The following MEIS2 variants were observed in gnomAD, a reference collection of about 807,000 sequenced individuals.
MEIS2 encodes Meis homeobox 2, also known as homeobox protein Meis2.
In MEIS2, 9 loss-of-function variants were observed where a neutral mutation model predicts 58.6. The ratio of observed to expected loss-of-function variants is 0.15; its 90% CI spans 0.09 to 0.27. The LOEUF (loss-of-function observed/expected upper bound fraction) is 0.27. Ranked by LOEUF, MEIS2 falls within the 10% of genes least tolerant of loss-of-function variation. The probability of loss-of-function intolerance (pLI) is 1.00; values close to 1 mark genes in which losing one functional copy is unlikely to be tolerated. For missense variants in MEIS2, 427 were observed against 635.0 expected (o/e 0.67, Z 3.52); for synonymous variants, 221 against 228.4 (o/e 0.97, Z 0.29).
At chr15:36,943,869 C>T (rs1170623807) in intron 9 of MEIS2, among the ~76,000 whole-genome samples, 1 of 152,044 alleles carries the variant, frequency 6.6e-6, no homozygotes, top group African/African-American at 2.4e-5. Context: ...TTTATTTCCC[C>T]CTCTACTCCT....
Position 36,889,943 on chromosome 15 carries a change from C to A in MEIS2, c.*2230G>T, listed in dbSNP as rs996883212. 1 of 152,134 alleles carries A rather than the reference C, an allele frequency of 6.6e-6. No individual in the cohort carries two copies. The highest frequency in any genetic ancestry group is 2.1e-4 in the South Asian group (1 of 4,834). The allele number at this position is 152,134 out of a possible 1,614,324, so 9.4% of individuals were successfully genotyped here. On this transcript the variant is annotated 3_prime_UTR_variant, in exon 12 of 12. Coordinates refer to ENST00000561208, the MANE Select transcript of MEIS2 (RefSeq NM_170675.5). ...CATTATTTCTATGTTTAAACAGCAACACAACACTTAAACTGAAATGTATTT... is the reference window on the plus strand; with the variant it reads ...CATTATTTCTATGTTTAAACAGCAAAACAACACTTAAACTGAAATGTATTT...
intron 6 of MEIS2, among the ~76,000 whole-genome samples, chr15:37,084,767 C>T (rs770645478): frequency 2.6e-5 from 4 of 152,122 alleles, no homozygotes; most frequent in Non-Finnish European, 5.9e-5. Context: ...CCTGCTGTTG[C>T]TTAAAGGAAA....
rs2062223357 is a variant in MEIS2 at position 37,037,731 on chromosome 15, T to A, written c.755-772A>T. Among the ~76,000 whole-genome samples the A allele has an allele frequency of 2.6e-5, 4 of 152,360 alleles. No homozygotes were observed. In the South Asian group the frequency reaches 8.3e-4, roughly 32 times the overall value. On this transcript the variant is annotated intron_variant, in intron 7 of 11. Transcript: ENST00000561208. Reference sequence around the variant, plus strand: ...AAAGCCTGCCTGGAGGGCATCTAAATTATGTATCTGAAAAACTCTTCTGGC... The same window carrying A: ...AAAGCCTGCCTGGAGGGCATCTAAAATATGTATCTGAAAAACTCTTCTGGC...
At chr15:36,987,404 T>C (rs1443890938) in intron 8 of MEIS2, among the ~76,000 whole-genome samples, 1 of 47,130 alleles carries the variant, frequency 2.1e-5, no homozygotes, top group African/African-American at 5.6e-5. Context: ...CAAGACCCTG[T>C]CTCAAAAAAA....
intron 8 of MEIS2, among the ~76,000 whole-genome samples, chr15:36,957,913 G>A (rs2059043148): frequency 6.6e-6 from 1 of 152,140 alleles, no homozygotes; most frequent in African/African-American, 2.4e-5. Context: ...ACAATATTCG[G>A]ATATTTGAAA....
At chr15:36,997,394 A>C (rs1882116473) in intron 8 of MEIS2, among the ~76,000 whole-genome samples, 1 of 152,162 alleles carries the variant, frequency 6.6e-6, no homozygotes, top group African/African-American at 2.4e-5. Context: ...TGAGTTAGGA[A>C]AGGGAAAGGA....
chr15:37,021,896 C>T (rs995569751), intron 8 of MEIS2, among the ~76,000 whole-genome samples: 7 of 152,038 alleles, frequency 4.6e-5, no homozygotes, highest in Admixed American at 1.3e-4. Flanking sequence ...CTGCCTTACC[C>T]GGTTTACTTT....
chr15:36,990,041 T>C (rs933267503), intron 8 of MEIS2, among the ~76,000 whole-genome samples: 14 of 152,022 alleles, frequency 9.2e-5, no homozygotes, highest in African/African-American at 3.4e-4. Flanking sequence ...GCCTCCCGGG[T>C]TCATGCCATT....
At chr15:37,093,396 G>A (rs1386393138) in intron 6 of MEIS2, among the ~76,000 whole-genome samples, 185 bp downstream of exon 6, 1 of 152,132 alleles carries the variant, frequency 6.6e-6, no homozygotes, top group Non-Finnish European at 1.5e-5. Context: ...ATAGGAGGGG[G>A]TCCAAGAAAG....
chr15:36,912,843 A>G (rs1209582408), intron 9 of MEIS2, among the ~76,000 whole-genome samples: 2 of 151,686 alleles, frequency 1.3e-5, no homozygotes, highest in African/African-American at 2.4e-5. Flanking sequence ...AAAAAAAAAA[A>G]AAAAGAAAAA....
intron 9 of MEIS2, among the ~76,000 whole-genome samples, chr15:36,922,095 T>A (rs983552310): frequency 6.6e-6 from 1 of 152,184 alleles, no homozygotes; most frequent in Non-Finnish European, 1.5e-5. Context: ...AAAATTAAAC[T>A]GAGCTCTTTC....
intron 9 of MEIS2, among the ~76,000 whole-genome samples, chr15:36,933,487 C>T (rs558040609): frequency 6.6e-6 from 1 of 151,944 alleles, no homozygotes; most frequent in Non-Finnish European, 1.5e-5. Context: ...GGTTTAGAGA[C>T]CATTGAGAAA....
rs1226443170 is a variant in MEIS2, at chr15:36,961,025, C to CT, written c.901-10626dup. ...ATCTTATCAATTTGTTTTTCCTTCC[C>CT]TTTTTTTTAGAACAGCCTCTGCAGT... On this transcript the variant is annotated intron_variant, in intron 8 of 11. Coordinates refer to ENST00000561208, the MANE Select transcript of MEIS2 (RefSeq NM_170675.5). 1.4e-4 allele frequency among the ~76,000 whole-genome samples: 22 copies of CT among 151,928 alleles called. No individual in the cohort carries two copies. The East Asian group carries it at 3.1e-3, about 21-fold the overall frequency.
At chr15:36,914,500 A>C (rs977290713) in intron 9 of MEIS2, among the ~76,000 whole-genome samples, 2 of 152,244 alleles carry the variant, frequency 1.3e-5, no homozygotes, top group African/African-American at 4.8e-5. Flanking sequence ...GGGAGGTCTC[A>C]GTTTCTGAGT....
At chr15:36,921,017 A>G (rs557077331) in intron 9 of MEIS2, among the ~76,000 whole-genome samples, 1 of 152,080 alleles carries the variant, frequency 6.6e-6, no homozygotes, top group Admixed American at 6.5e-5. Flanking sequence ...ACAAAAAAAA[A>G]CCTCTGTTGT....
chr15:36,901,404 T>C (rs2056463539), intron 9 of MEIS2, among the ~76,000 whole-genome samples: 1 of 152,172 alleles, frequency 6.6e-6, no homozygotes, highest in South Asian at 2.1e-4. Flanking sequence ...GTTAAATCAG[T>C]GAATAAGGCA....
At chr15:36,999,232 A>T (rs1307490140) in intron 8 of MEIS2, among the ~76,000 whole-genome samples, 2 of 152,150 alleles carry the variant, frequency 1.3e-5, no homozygotes, top group Non-Finnish European at 2.9e-5. Context: ...TATTTAATAT[A>T]TAGAGTGTCT....
At chr15:37,097,873 T>C in intron 2 of MEIS2, 94 bp downstream of exon 2, 1 of 1,451,218 alleles carries the variant, frequency 6.9e-7, no homozygotes, top group African/African-American at 1.4e-5. Flanking sequence ...CAGAAGTAAC[T>C]CCCCACTTAG....
chr15:36,943,670 C>T (rs906373554), intron 9 of MEIS2, among the ~76,000 whole-genome samples: 1 of 151,718 alleles, frequency 6.6e-6, no homozygotes, highest in Non-Finnish European at 1.5e-5. Context: ...TTTTTTTCTC[C>T]CCTTATTGGC....
Sources: gnomAD v4.1 joint callset for allele counts (sites outside exome capture counted in the v4.1 genomes callset) on GRCh38, gnomAD v4.1.1 for gene constraint, MANE v1.5 for transcripts, NCBI Gene and HGNC (gene_info 2026-07-23, HGNC 2026-07-21) for gene names.